HTR1F: variants seen among roughly 807,000 people sequenced by gnomAD.
HTR1F encodes the protein 5-hydroxytryptamine (serotonin) receptor 1F, G protein-coupled.
Under a neutral mutation model 24.0 loss-of-function variants are expected in HTR1F, and 17 were observed. That is an observed-to-expected ratio of 0.71 (90% CI 0.48 to 1.06). The LOEUF is 1.06. Among genes scored for constraint, HTR1F ranks in the 50% least tolerant of loss-of-function variants. The pLI, the probability that HTR1F is intolerant of heterozygous loss-of-function variation, is 0.00. For synonymous variants in HTR1F, 186 were observed against 156.8 expected (o/e 1.19, Z -1.39); for missense variants, 391 against 427.8 (o/e 0.91, Z 0.76).
chr3:87,871,198 A>G (rs1705547932), intron 2 of HTR1F, among the ~76,000 whole-genome samples: 1 of 152,050 alleles, frequency 6.6e-6, no homozygotes, highest in Non-Finnish European at 1.5e-5. Context: ...GAGAATATCA[A>G]TAAAGAGATA....
chr3:87,914,485 A>C (rs551972776), intron 2 of HTR1F, among the ~76,000 whole-genome samples: 7 of 152,168 alleles, frequency 4.6e-5, no homozygotes, highest in Admixed American at 4.6e-4. Flanking sequence ...GCCCAGAAAC[A>C]CACAGTGCTG....
chr3:87,899,016 C>G (rs1489467492), intron 2 of HTR1F, among the ~76,000 whole-genome samples: 1 of 152,152 alleles, frequency 6.6e-6, no homozygotes, highest in African/African-American at 2.4e-5. Flanking sequence ...AGGAGCAAAA[C>G]ACAGAATATA....
chr3:87,978,890 G>GGT (rs1553683835), intron 2 of HTR1F, among the ~76,000 whole-genome samples: 1 of 46,136 alleles, frequency 2.2e-5, no homozygotes, highest in Admixed American at 3.5e-4. Context: ...GGGAGGGAGG[G>GGT]AGGAAGGAAG....
intron 1 of HTR1F, among the ~76,000 whole-genome samples, chr3:87,820,483 C>T (rs997308085): frequency 6.6e-6 from 1 of 152,074 alleles, no homozygotes; most frequent in Non-Finnish European, 1.5e-5. Context: ...GCTCATGACC[C>T]ATTTTAACAT....
chr3:87,828,969 C>T (rs1244429240), intron 2 of HTR1F, among the ~76,000 whole-genome samples: 6 of 151,306 alleles, frequency 4.0e-5, no homozygotes, highest in African/African-American at 1.2e-4. Context: ...AACAGAAAAC[C>T]ACTTGCTGAC....
At chr3:87,872,740 T>C (rs1465847579) in intron 2 of HTR1F, among the ~76,000 whole-genome samples, 1 of 151,882 alleles carries the variant, frequency 6.6e-6, no homozygotes, top group Non-Finnish European at 1.5e-5. Context: ...CAAGATTGAA[T>C]CATGAATAAA....
intron 2 of HTR1F, among the ~76,000 whole-genome samples, chr3:87,843,832 C>T (rs183964218): frequency 0.019 from 2,918 of 151,866 alleles, 133 homozygotes; most frequent in African/African-American, 0.067. Flanking sequence ...CCAATTTCAT[C>T]CATGTCCCTA....
At chr3:87,948,220 A>G (rs1014417475) in intron 2 of HTR1F, among the ~76,000 whole-genome samples, 4 of 152,132 alleles carry the variant, frequency 2.6e-5, no homozygotes, top group Non-Finnish European at 5.9e-5. Context: ...CCTGCCTCCA[A>G]TTTTCAGAGC....
chr3:87,931,033 T>TA (rs532610640), intron 2 of HTR1F, among the ~76,000 whole-genome samples: 2 of 53,932 alleles, frequency 3.7e-5, no homozygotes, highest in Non-Finnish European at 3.8e-5. Context: ...TTCCTTTTTT[T>TA]TTTTTTTTTT....
At chr3:87,867,791 T>C (rs1705460520) in intron 2 of HTR1F, among the ~76,000 whole-genome samples, 1 of 152,170 alleles carries the variant, frequency 6.6e-6, no homozygotes, top group Admixed American at 6.6e-5. Flanking sequence ...TTTAAAATGG[T>C]ACCACATTGT....
intron 2 of HTR1F, among the ~76,000 whole-genome samples, chr3:87,880,826 G>A (rs529776138): frequency 6.6e-6 from 1 of 152,222 alleles, no homozygotes; most frequent in East Asian, 1.9e-4. Context: ...CTAGTTTTGG[G>A]ATTTTCAACG....
chr3:87,843,502 T>A (rs1441020766), intron 2 of HTR1F, among the ~76,000 whole-genome samples: 1 of 148,076 alleles, frequency 6.8e-6, no homozygotes, highest in Non-Finnish European at 1.5e-5. Flanking sequence ...CCATCCTGAC[T>A]TTCTTTTTCT....
intron 1 of HTR1F, among the ~76,000 whole-genome samples, chr3:87,804,814 GT>G (rs1704048380): frequency 6.6e-6 from 1 of 151,654 alleles, no homozygotes; most frequent in Non-Finnish European, 1.5e-5. Context: ...TTTTACTTTG[GT>G]TTGGTTTTGG....
intron 2 of HTR1F, among the ~76,000 whole-genome samples, chr3:87,830,915 T>C (rs1575918933): frequency 6.6e-6 from 1 of 152,320 alleles, no homozygotes; most frequent in Admixed American, 6.5e-5. Context: ...ATGGCACATG[T>C]ATTGATATTT....
intron 2 of HTR1F, among the ~76,000 whole-genome samples, chr3:87,989,820 G>A (rs1176851992): frequency 6.6e-6 from 1 of 152,192 alleles, no homozygotes. Context: ...ATGAACTGGG[G>A]AGAAAGAGAG....
intron 2 of HTR1F, among the ~76,000 whole-genome samples, chr3:87,860,670 G>T (rs935289281): frequency 6.6e-6 from 1 of 152,216 alleles, no homozygotes; most frequent in Non-Finnish European, 1.5e-5. Flanking sequence ...TTGAGGCTTA[G>T]AATCAGAAAA....
intron 2 of HTR1F, among the ~76,000 whole-genome samples, chr3:87,848,983 G>C (rs144021743): frequency 0.064 from 9,616 of 150,554 alleles, 1,112 homozygotes; most frequent in African/African-American, 0.22. Flanking sequence ...GAAGAACATT[G>C]CATGCTCATG....
chr3:87,930,984 T>C (rs1222911000), intron 2 of HTR1F, among the ~76,000 whole-genome samples: 5 of 151,744 alleles, frequency 3.3e-5, no homozygotes, highest in African/African-American at 1.2e-4. Flanking sequence ...AATAACTCTA[T>C]GTCATTCTTT....
chr3:87,869,166 T>C (rs543511059), intron 2 of HTR1F, among the ~76,000 whole-genome samples: 40 of 152,106 alleles, frequency 2.6e-4, no homozygotes, highest in African/African-American at 9.4e-4. Flanking sequence ...ACATATATAA[T>C]AGAAAAGCTT....
Sources: gnomAD v4.1 joint callset for allele counts (sites outside exome capture counted in the v4.1 genomes callset) on GRCh38, gnomAD v4.1.1 for gene constraint, MANE v1.5 for transcripts, NCBI Gene and HGNC (gene_info 2026-07-23, HGNC 2026-07-21) for gene names.